Variants in ZNF566 observed in about 807,000 individuals in gnomAD.
ZNF566 encodes the protein zinc finger protein 566.
A neutral mutation model predicts 32.8 loss-of-function variants in ZNF566; 27 were observed. The ratio of observed to expected loss-of-function variants is 0.82; its 90% CI spans 0.61 to 1.14. The LOEUF (loss-of-function observed/expected upper bound fraction) is 1.14, where lower values mean the gene tolerates loss of function less well. Among genes scored for constraint, ZNF566 ranks in the 50% most tolerant of loss-of-function variants. ZNF566 has a pLI of 0.00. For missense variants in ZNF566, 402 were observed against 490.4 expected (o/e 0.82, Z 1.70); for synonymous variants, 154 against 159.5 (o/e 0.97, Z 0.26).
At chr19:36,453,148 CA>C (rs908626308) in intron 4 of ZNF566, among the ~76,000 whole-genome samples, 69 of 145,134 alleles carry the variant, frequency 4.8e-4, no homozygotes, top group Non-Finnish European at 8.1e-4. Flanking sequence ...AAAAAACAAA[CA>C]AAAAAAAAGT....
intron 3 of ZNF566, 132 bp downstream of exon 3, chr19:36,473,200 A>G (rs1385533064): frequency 4.9e-6 from 6 of 1,225,962 alleles, no homozygotes; most frequent in African/African-American, 3.0e-5. Context: ...TAACTCTACC[A>G]TATTCAGAAC....
intron 2 of ZNF566, chr19:36,476,321 A>G (rs1600170296): frequency 1.6e-5 from 6 of 376,916 alleles, no homozygotes; most frequent in Admixed American, 4.3e-5. Flanking sequence ...AAAAAAAAAA[A>G]GGGTAAATTT....
chr19:36,467,847 T>G (rs2145675464), intron 4 of ZNF566, among the ~76,000 whole-genome samples: 1 of 129,538 alleles, frequency 7.7e-6, no homozygotes, highest in African/African-American at 2.9e-5. Flanking sequence ...GAAATGCAAA[T>G]TAAAACCACA....
intron 1 of ZNF566, among the ~76,000 whole-genome samples, chr19:36,481,556 C>T (rs2034033758): frequency 6.7e-6 from 1 of 150,096 alleles, no homozygotes; most frequent in African/African-American, 2.5e-5. Context: ...AAAAACATGA[C>T]AACATATTCT....
Position 36,487,568 on chromosome 19 carries a change from T to TA in ZNF566, c.-60+1917dup, listed in dbSNP as rs200974448. On this transcript the variant is annotated intron_variant, in intron 1 of 4. Coordinates refer to ENST00000452939, the MANE Select transcript of ZNF566 (RefSeq NM_001145344.1). Reference sequence around the variant, plus strand: ...AATATATAACAAAAGAAGCCTGGCATAAAACAGTACATGCTGCATAATTGC... The same window carrying TA: ...AATATATAACAAAAGAAGCCTGGCATAAAAACAGTACATGCTGCATAATTGC... Among the ~76,000 whole-genome samples, 88 of 152,238 alleles carry TA rather than the reference T, an allele frequency of 5.8e-4. No individual in the cohort carries two copies. In the East Asian group the frequency reaches 0.014, roughly 24 times the overall value.
chr19:36,468,613 C>A (rs1164384971), intron 4 of ZNF566, among the ~76,000 whole-genome samples: 1 of 150,658 alleles, frequency 6.6e-6, no homozygotes, highest in Non-Finnish European at 1.5e-5. Context: ...CTCAAAAAAA[C>A]TAAAAAATTA....
intron 1 of ZNF566, among the ~76,000 whole-genome samples, chr19:36,477,204 G>A (rs201151579): frequency 6.6e-6 from 1 of 150,648 alleles, no homozygotes. Flanking sequence ...TAGTGATGGG[G>A]TTTCACTCTG....
At chr19:36,483,545 A>C (rs1281299276) in intron 1 of ZNF566, among the ~76,000 whole-genome samples, 1 of 152,140 alleles carries the variant, frequency 6.6e-6, no homozygotes, top group Admixed American at 6.6e-5. Context: ...TTGAAAAGAC[A>C]CAAGAGCCAA....
rs936103616 is a variant in ZNF566 at position 36,473,187 on chromosome 19, T to C, written c.136+145A>G. On this transcript the variant is annotated intron_variant, in intron 3 of 4. Transcript: ENST00000452939. ...CCAAAAACTCAATGCAGCTTCCTTT[T>C]TCTAACTCTACCATATTCAGAACAT... is the stretch of plus-strand genomic sequence containing the variant. 8 of 1,171,770 alleles carry C rather than the reference T, an allele frequency of 6.8e-6. 1 individual carries two copies. The South Asian group carries it at 1.0e-4, about 15-fold the overall frequency. 72.6% of individuals were successfully genotyped at this position (1,171,770 alleles called of 1,614,324 possible). A position where few individuals can be genotyped will look rare whatever the true frequency, so the allele number is the denominator to read the frequency against.
At chr19:36,464,382 C>A (rs2033559559) in intron 4 of ZNF566, among the ~76,000 whole-genome samples, 1 of 151,826 alleles carries the variant, frequency 6.6e-6, no homozygotes, top group South Asian at 2.1e-4. Context: ...GTTTTGAATT[C>A]CTGGGCTCAA....
Position 36,457,917 on chromosome 19 carries a change from T to A in ZNF566, c.233-7916A>T, listed in dbSNP as rs1465560487. ...AAAAAAATAAACAAACAAACAAAAA[T>A]CCCCTCACACCTGTCAGAACTGCTA... On this transcript the variant is annotated intron_variant, in intron 4 of 4. Coordinates refer to ENST00000452939, the MANE Select transcript of ZNF566 (RefSeq NM_001145344.1). Among the ~76,000 whole-genome samples the A allele has an allele frequency of 5.3e-5, 8 of 150,664 alleles. No homozygotes were observed. The East Asian group carries it at 1.4e-3, about 26-fold the overall frequency.
At chr19:36,485,332 C>G (rs1356319574) in intron 1 of ZNF566, among the ~76,000 whole-genome samples, 1 of 149,254 alleles carries the variant, frequency 6.7e-6, no homozygotes, top group African/African-American at 2.5e-5. Context: ...GTCCCAGCTA[C>G]TCAGGGGCTG....
chr19:36,465,216 A>G (rs1446545554), intron 4 of ZNF566, among the ~76,000 whole-genome samples: 1 of 152,176 alleles, frequency 6.6e-6, no homozygotes, highest in East Asian at 1.9e-4. Flanking sequence ...CACCAATCAG[A>G]TTATTAAAAG....
chr19:36,475,717 C>T (rs959321955), intron 2 of ZNF566, among the ~76,000 whole-genome samples: 2 of 151,834 alleles, frequency 1.3e-5, no homozygotes, highest in Non-Finnish European at 2.9e-5. Flanking sequence ...CGGGGGGCGG[C>T]GGGGAACTGA....
Position 36,472,998 on chromosome 19 carries a change from T to C in ZNF566, c.145A>G (p.Ile49Val), listed in dbSNP as rs546111933. 2.9e-5 allele frequency: 46 copies of C among 1,612,348 alleles called. No homozygotes were observed. Among genetic ancestry groups the C allele is most frequent in the African/African-American group, 1.2e-4 (9 of 74,936 alleles). ...YSNLVSMGHS[I>V]SKPNVISYLE... is the part of the protein sequence containing the mutation. ...TAGGAGATCACATTTGGTTTAGAAA[T>C]AGAATGCCCTGCTTACAAAAGAAGT... Residue 49 changes from isoleucine to valine, a missense_variant, in exon 4 of 5, where the codon ATT becomes GTT. Ile to Val is a conservative substitution (Grantham distance 29). This residue lies in a region of ZNF566 where 220 missense variants were observed against 241.9 expected (regional missense o/e 0.91). Coordinates refer to ENST00000452939, the MANE Select transcript of ZNF566 (RefSeq NM_001145344.1).
chr19:36,487,754 G>C (rs993168263), intron 1 of ZNF566, among the ~76,000 whole-genome samples: 21 of 151,934 alleles, frequency 1.4e-4, no homozygotes, highest in Non-Finnish European at 5.9e-5. Flanking sequence ...ACAAAAATTA[G>C]CCGGGTGTGA....
intron 4 of ZNF566, among the ~76,000 whole-genome samples, chr19:36,463,998 T>C (rs2033549397): frequency 6.6e-6 from 1 of 151,924 alleles, no homozygotes; most frequent in Admixed American, 6.6e-5. Flanking sequence ...AGTGTTGGGA[T>C]TACAGGTATG....
At chr19:36,475,831 GTTTTTACATTACATAA>G (rs1350591890) in intron 2 of ZNF566, among the ~76,000 whole-genome samples, 2 of 152,010 alleles carry the variant, frequency 1.3e-5, no homozygotes, top group East Asian at 1.9e-4. Flanking sequence ...TCTGGGTCAG[GTTTTTACATTACATAA>G]TTTTTACATT....
At position 36,449,024 on chromosome 19, in the gene ZNF566, AG is replaced by A; in HGVS notation, c.1209del (p.Phe404LeufsTer44). 6.2e-7 allele frequency: 1 copy of A among 1,605,592 alleles called. No individual in the cohort carries two copies. The highest frequency in any genetic ancestry group is 8.5e-7 in the Non-Finnish European group (1 of 1,177,444). On this transcript the variant is annotated frameshift_variant, in exon 5 of 5. Coordinates refer to ENST00000452939, the MANE Select transcript of ZNF566 (RefSeq NM_001145344.1). LOFTEE classifies it high-confidence loss of function. ...TGAATAAGTTGTGGGTCATAATTAAAGTTCTTTCCACATTCCCTATATTCAT... is the reference window on the plus strand; with the variant it reads ...TGAATAAGTTGTGGGTCATAATTAAATTCTTTCCACATTCCCTATATTCAT... The part of the protein sequence containing the change: ...KPYEYRECGK[N>X]FNYDPQLIQH...
Sources: gnomAD v4.1 joint callset for allele counts (sites outside exome capture counted in the v4.1 genomes callset) on GRCh38, gnomAD v4.1.1 for gene constraint, gnomAD v4.1.1 regional missense constraint, MANE v1.5 for transcripts, NCBI Gene and HGNC (gene_info 2026-07-23, HGNC 2026-07-21) for gene names.